The following CLCA2 variants were observed in gnomAD, a reference collection of about 807,000 sequenced individuals.
CLCA2 encodes chloride channel accessory 2, also known as calcium-activated chloride channel regulator 2.
In CLCA2, 85 loss-of-function variants were observed where a neutral mutation model predicts 82.9. That is an observed-to-expected ratio of 1.03 (90% CI 0.86 to 1.23). CLCA2 has a LOEUF of 1.23. Among genes scored for constraint, CLCA2 ranks in the 50% most tolerant of loss-of-function variants. The pLI, the probability that CLCA2 is intolerant of heterozygous loss-of-function variation, is 0.00. For missense variants in CLCA2, 1,089 were observed against 1,124.8 expected (o/e 0.97, Z 0.45); for synonymous variants, 421 against 391.7 (o/e 1.07, Z -0.88).
chr1:86,454,140 G>A (rs543315055), intron 13 of CLCA2, among the ~76,000 whole-genome samples: 4 of 152,182 alleles, frequency 2.6e-5, no homozygotes, highest in Admixed American at 2.0e-4. Flanking sequence ...CTTTTCTAAG[G>A]CTTATGTTAA....
rs1662429665 is a variant in CLCA2, at chr1:86,428,416, A to G, written c.325-2A>G. 6.3e-7 allele frequency: 1 copy of G among 1,587,646 alleles called. No individual in the cohort carries two copies. On this transcript the variant is annotated splice_acceptor_variant, in intron 2 of 13. Coordinates refer to ENST00000370565, the MANE Select transcript of CLCA2 (RefSeq NM_006536.7). LOFTEE classifies it high-confidence loss of function. Reference sequence around the variant, plus strand: ...TATTACAAGGCATTTCTTTTAATTTAGGCAAATGTCATAGTGACTGACTGG... The same window carrying G: ...TATTACAAGGCATTTCTTTTAATTTGGGCAAATGTCATAGTGACTGACTGG...
chr1:86,440,175 T>G lies in CLCA2; in HGVS notation c.1231T>G (p.Tyr411Asp). ...GGTTGAAAAACTGAATGGAAAAGCT[T>G]ATGGCTCTGTGATGATATTAGTGAC... ...EVVEKLNGKA[Y>D]GSVMILVTSG... Residue 411 changes from tyrosine to aspartate, a missense_variant, in exon 8 of 14, where the codon TAT (tyrosine) becomes GAT (aspartate). Tyr to Asp is a radical substitution (Grantham distance 160, BLOSUM62 -3). Coordinates refer to ENST00000370565, the MANE Select transcript of CLCA2 (RefSeq NM_006536.7). The G allele has an allele frequency of 6.2e-7, 1 of 1,614,052 alleles. No homozygotes were observed. The highest frequency in any genetic ancestry group is 8.5e-7 in the Non-Finnish European group (1 of 1,179,964).
chr1:86,453,322 A>G, intron 12 of CLCA2, 47 bp from the exon 13 acceptor site: 1 of 1,451,372 alleles, frequency 6.9e-7, no homozygotes, highest in Non-Finnish European at 9.6e-7. Context: ...GCTATTCAGA[A>G]GCTTTGTAAT....
intron 5 of CLCA2, among the ~76,000 whole-genome samples, chr1:86,433,231 T>G (rs1160731646): frequency 6.6e-6 from 1 of 152,112 alleles, no homozygotes; most frequent in African/African-American, 2.4e-5. Flanking sequence ...GATTCAGAGG[T>G]TAGTAGCATC....
chr1:86,438,976 G>T lies in CLCA2; in HGVS notation c.1073G>T (p.Gly358Val), dbSNP rs773533237. ...FVGIASFDSK[G>V]EIRAQLHQIN... is the part of the protein sequence containing the mutation. Reference sequence around the variant, plus strand: ...GGCATTGCCAGTTTCGACAGCAAAGGAGAGATCAGAGCCCAGCTACACCAA... The same window carrying T: ...GGCATTGCCAGTTTCGACAGCAAAGTAGAGATCAGAGCCCAGCTACACCAA... The change falls in exon 7 of 14, where the codon GGA (glycine) becomes GTA (valine). Residue 358 changes from glycine (G) to valine (V), a missense_variant. Gly to Val is a moderately radical substitution (Grantham distance 109, BLOSUM62 -3). Transcript: ENST00000370565. 6.2e-7 allele frequency: 1 copy of T among 1,614,120 alleles called. No homozygotes were observed. Among genetic ancestry groups the T allele is most frequent in the Non-Finnish European group, 8.5e-7 (1 of 1,179,998 alleles).
At position 86,440,204 on chromosome 1, in the gene CLCA2, C is replaced by A. The variant is rs376243564; in HGVS notation, c.1260C>A (p.Ser420Arg). 1 of 1,614,052 alleles carries A rather than the reference C, an allele frequency of 6.2e-7. No individual in the cohort carries two copies. The highest frequency in any genetic ancestry group is 8.5e-7 in the Non-Finnish European group (1 of 1,179,978). Reference protein sequence around the residue: ...AYGSVMILVTSGDDKLLGNCL... With the variant: ...AYGSVMILVTRGDDKLLGNCL... Reference sequence around the variant, plus strand: ...GCTCTGTGATGATATTAGTGACCAGCGGAGATGATAAGCTTCTTGGCAATT... The same window carrying A: ...GCTCTGTGATGATATTAGTGACCAGAGGAGATGATAAGCTTCTTGGCAATT... Residue 420 changes from serine (S) to arginine (R), a missense_variant, in exon 8 of 14, where the codon AGC becomes AGA. Physicochemically the swap from Ser to Arg is moderately radical, Grantham distance 110. Transcript: ENST00000370565.
chr1:86,442,791 A>C (rs1361148354), intron 9 of CLCA2, among the ~76,000 whole-genome samples: 1 of 152,214 alleles, frequency 6.6e-6, no homozygotes. Context: ...CTCTGGTGTC[A>C]GGCCCACTGG....
intron 9 of CLCA2, among the ~76,000 whole-genome samples, 169 bp from the exon 10 acceptor site, chr1:86,443,618 A>G (rs545448266): frequency 6.6e-6 from 1 of 152,360 alleles, no homozygotes; most frequent in African/African-American, 2.4e-5. Flanking sequence ...ATAACATGCA[A>G]TATTTTGCTT....
intron 8 of CLCA2, among the ~76,000 whole-genome samples, chr1:86,440,575 A>G (rs1441195470): frequency 1.3e-5 from 2 of 152,160 alleles, no homozygotes; most frequent in Non-Finnish European, 1.5e-5. Context: ...GTGAGCATGC[A>G]TAATCATGGA....
At chr1:86,449,777 A>T (rs1225918982) in intron 11 of CLCA2, among the ~76,000 whole-genome samples, 1 of 152,192 alleles carries the variant, frequency 6.6e-6, no homozygotes, top group Non-Finnish European at 1.5e-5. Context: ...CTGTACTTGA[A>T]TGGCAAAAGT....
Position 86,456,072 on chromosome 1 carries a change from T to C in CLCA2, c.*545T>C, listed in dbSNP as rs1017452943. On this transcript the variant is annotated 3_prime_UTR_variant, in exon 14 of 14. Coordinates refer to ENST00000370565, the MANE Select transcript of CLCA2 (RefSeq NM_006536.7). ...CACTGCTAATGCTCAGAGATCTTTTTTCACTGTAAGAGGTAACCTTTAACA... is the reference window on the plus strand; with the variant it reads ...CACTGCTAATGCTCAGAGATCTTTTCTCACTGTAAGAGGTAACCTTTAACA... The C allele has an allele frequency of 1.3e-5, 2 of 152,212 alleles. No individual in the cohort carries two copies. The highest frequency in any genetic ancestry group is 4.8e-5 in the African/African-American group (2 of 41,452). The allele number at this position is 152,212 out of a possible 1,614,324, so 9.4% of individuals were successfully genotyped here. A position where few individuals can be genotyped will look rare whatever the true frequency, so the allele number is the denominator to read the frequency against.
intron 12 of CLCA2, 24 bp from the exon 13 acceptor site, chr1:86,453,345 C>CTTTTTTT: frequency 6.5e-7 from 1 of 1,542,704 alleles, no homozygotes; most frequent in Admixed American, 1.7e-5. Flanking sequence ...GTCATTTTGC[C>CTTTTTTT]TTTTTTTTTC....
At position 86,432,638 on chromosome 1, in the gene CLCA2, G is replaced by A. The variant is rs998396059; in HGVS notation, c.744+110G>A. 14 of 1,273,322 alleles carry A rather than the reference G, an allele frequency of 1.1e-5. 1 individual carries two copies. In the South Asian group the frequency reaches 2.1e-4, roughly 19 times the overall value. The allele number at this position is 1,273,322 out of a possible 1,614,324, so 78.9% of individuals were successfully genotyped here. A position where few individuals can be genotyped will look rare whatever the true frequency, so the allele number is the denominator to read the frequency against. On this transcript the variant is annotated intron_variant, in intron 5 of 13. Coordinates refer to ENST00000370565, the MANE Select transcript of CLCA2 (RefSeq NM_006536.7). ...ATGCACTATACTTTAGAACTTGGGGGACCCTAGAGTTCATCTAGTTTTTAT... is the reference window on the plus strand; with the variant it reads ...ATGCACTATACTTTAGAACTTGGGGAACCCTAGAGTTCATCTAGTTTTTAT...
intron 10 of CLCA2, 57 bp downstream of exon 10, chr1:86,444,068 G>T: frequency 8.7e-7 from 1 of 1,146,128 alleles, no homozygotes; most frequent in Non-Finnish European, 1.3e-6. Context: ...ATGATTTTCA[G>T]CTGAATCACA....
At chr1:86,443,465 G>A (rs1220088171) in intron 9 of CLCA2, among the ~76,000 whole-genome samples, 1 of 152,142 alleles carries the variant, frequency 6.6e-6, no homozygotes. Flanking sequence ...ATTTTTAAAA[G>A]CTTGTCATTG....
chr1:86,445,794 TTATAA>T (rs1431164632), intron 10 of CLCA2, among the ~76,000 whole-genome samples: 1 of 152,104 alleles, frequency 6.6e-6, no homozygotes, highest in Non-Finnish European at 1.5e-5. Flanking sequence ...TGAGGGAAAC[TTATAA>T]TAAAACAAAA....
At position 86,455,254 on chromosome 1, in the gene CLCA2, T is replaced by C. The variant is rs761978409; in HGVS notation, c.2559T>C (p.Asn853=). ...CGAATGGACCTGAACATCAGCCAAA[T>C]GGAGAAACACATGAAAGCCACAGAA... ...ISTNGPEHQP[N]GETHESHRIY... Residue 853 remains asparagine, a synonymous_variant, in exon 14 of 14, where the codon AAT becomes AAC. Transcript: ENST00000370565. 11 of 1,614,114 alleles carry C rather than the reference T, an allele frequency of 6.8e-6. No homozygotes were observed. Among genetic ancestry groups the C allele is most frequent in the South Asian group, 1.1e-5 (1 of 91,078 alleles).
chr1:86,438,496 G>C (rs1394398787), intron 6 of CLCA2, among the ~76,000 whole-genome samples: 2 of 152,126 alleles, frequency 1.3e-5, no homozygotes, highest in African/African-American at 4.8e-5. Context: ...TCTAGCAAAG[G>C]TCTCTTTGCA....
At chr1:86,444,208 T>G (rs1662802186) in intron 10 of CLCA2, among the ~76,000 whole-genome samples, 197 bp downstream of exon 10, 1 of 152,248 alleles carries the variant, frequency 6.6e-6, no homozygotes, top group East Asian at 1.9e-4. Flanking sequence ...GTTTTATATA[T>G]TAGACACCAA....
Sources: allele counts gnomAD v4.1 joint callset (sites outside exome capture counted in the v4.1 genomes callset), GRCh38; gene constraint gnomAD v4.1.1; transcripts MANE v1.5; gene names NCBI Gene and HGNC (gene_info 2026-07-23, HGNC 2026-07-21).